The following MYPN variants were observed in gnomAD, a reference collection of about 807,000 sequenced individuals.
MYPN encodes the protein myopalladin.
In MYPN, 63 loss-of-function variants were observed where a neutral mutation model predicts 129.4. That is an observed-to-expected ratio of 0.49 (90% confidence interval 0.40 to 0.60). The LOEUF (loss-of-function observed/expected upper bound fraction) is 0.60, where lower values mean the gene tolerates loss of function less well. Among genes scored for constraint, MYPN ranks in the 20% least tolerant of loss-of-function variants. The pLI is 0.00. For missense variants in MYPN, 1,596 were observed against 1,635.4 expected (o/e 0.98, Z 0.42); for synonymous variants, 629 against 600.9 (o/e 1.05, Z -0.68).
intron 9 of MYPN, 43 bp downstream of exon 9, chr10:68,165,861 G>A (rs1288042188): frequency 6.8e-7 from 1 of 1,475,958 alleles, no homozygotes; most frequent in Admixed American, 1.7e-5. Flanking sequence ...CTATGACTTT[G>A]AGTGTGAATA....
chr10:68,187,756 C>T (rs1177790060), intron 12 of MYPN, among the ~76,000 whole-genome samples: 2 of 152,060 alleles, frequency 1.3e-5, no homozygotes, highest in Non-Finnish European at 2.9e-5. Context: ...TCACCTAGAG[C>T]AGAGGAGCAC....
rs58484168 is a variant in MYPN, at chr10:68,115,258, CAAAAAA to C, written c.-2+5552_-2+5557del. 3.2e-3 allele frequency among the ~76,000 whole-genome samples: 174 copies of C among 53,652 alleles called. 1 individual carries two copies. Among genetic ancestry groups the C allele is most frequent in the Non-Finnish European group, 5.8e-3 (140 of 24,260 alleles). 35.2% of individuals were successfully genotyped at this position (53,652 alleles called of 152,430 possible). On this transcript the variant is annotated intron_variant, in intron 1 of 19. Coordinates refer to ENST00000358913, the MANE Select transcript of MYPN (RefSeq NM_032578.4). Reference sequence around the variant, plus strand: ...TGGGCGACAAAGTGAAACTCCATCTCAAAAAAAAAAAAAAAAAAAAAAGTCAAATGA... The same window carrying C: ...TGGGCGACAAAGTGAAACTCCATCTCAAAAAAAAAAAAAAAAGTCAAATGA...
intron 2 of MYPN, 53 bp from the exon 3 acceptor site, chr10:68,142,887 G>T (rs560866099): frequency 6.5e-7 from 1 of 1,531,204 alleles, no homozygotes; most frequent in Non-Finnish European, 9.0e-7. Flanking sequence ...AGCTGTCTAT[G>T]TTATTGTCTT....
chr10:68,203,050 T>C (rs1219363133), intron 18 of MYPN, among the ~76,000 whole-genome samples: 1 of 152,194 alleles, frequency 6.6e-6, no homozygotes. Flanking sequence ...ACAAAATCAA[T>C]GTCTGGAAAG....
intron 2 of MYPN, among the ~76,000 whole-genome samples, chr10:68,135,988 C>CT (rs1403274850): frequency 6.6e-6 from 1 of 152,106 alleles, no homozygotes; most frequent in Non-Finnish European, 1.5e-5. Flanking sequence ...AAGAAAGACT[C>CT]TGAGTAATCA....
intron 15 of MYPN, among the ~76,000 whole-genome samples, 181 bp downstream of exon 15, chr10:68,195,713 C>T (rs1321387168): frequency 6.6e-6 from 1 of 152,180 alleles, no homozygotes; most frequent in Admixed American, 6.5e-5. Flanking sequence ...GATCTACTGA[C>T]TCAGAATCTG....
intron 10 of MYPN, among the ~76,000 whole-genome samples, chr10:68,168,991 TAAAAAAAAAAAAAAAAA>T (rs71009012): frequency 2.5e-4 from 20 of 80,324 alleles, no homozygotes; most frequent in Admixed American, 7.2e-4. Flanking sequence ...GATTATTTCT[TAAAAAAAAAAAAAAAAA>T]AAAAAAAAAA....
chr10:68,137,129 A>T (rs1160781815), intron 2 of MYPN, among the ~76,000 whole-genome samples: 1 of 152,162 alleles, frequency 6.6e-6, no homozygotes, highest in Non-Finnish European at 1.5e-5. Flanking sequence ...AACAAAAAAA[A>T]TTTATAAAAA....
At position 68,143,071 on chromosome 10, in the gene MYPN, A is replaced by G; in HGVS notation, c.1034A>G (p.Asn345Ser). ...GGACGCTATTCCTGCTTTGCTTCTA[A>G]CATCTATGGGACAGATTCGACTTCT... ...DTGRYSCFAS[N>S]IYGTDSTSAE... The change falls in exon 3 of 20, where the codon AAC (asparagine) becomes AGC (serine). Residue 345 changes from asparagine (N) to serine (S), a missense_variant. Coordinates refer to ENST00000358913, the MANE Select transcript of MYPN (RefSeq NM_032578.4). The G allele has an allele frequency of 1.2e-6, 2 of 1,614,176 alleles. No individual in the cohort carries two copies. Among genetic ancestry groups the G allele is most frequent in the Non-Finnish European group, 1.7e-6 (2 of 1,180,004 alleles).
At position 68,118,620 on chromosome 10, in the gene MYPN, T is replaced by C. The variant is rs1298898605; in HGVS notation, c.-1-2818T>C. Among the ~76,000 whole-genome samples, 4 of 151,986 alleles carry C rather than the reference T, an allele frequency of 2.6e-5. No homozygotes were observed. In the East Asian group the frequency reaches 7.7e-4, roughly 29 times the overall value. On this transcript the variant is annotated intron_variant, in intron 1 of 19. Coordinates refer to ENST00000358913, the MANE Select transcript of MYPN (RefSeq NM_032578.4). ...ATGGAGGTGGGAGGATCACTTGAGG[T>C]TCTTTGAGTTGGAGACCAGCCTGGG...
At chr10:68,103,907 A>AC (rs1244958708), upstream of MYPN, among the ~76,000 whole-genome samples, 1 of 152,206 alleles carries the variant, frequency 6.6e-6, no homozygotes, top group Non-Finnish European at 1.5e-5. Flanking sequence ...CTGAGACCGC[A>AC]CCATTGCACT....
chr10:68,152,684 A>G (rs193083491), intron 6 of MYPN, among the ~76,000 whole-genome samples: 27 of 152,274 alleles, frequency 1.8e-4, no homozygotes, highest in Non-Finnish European at 3.1e-4. Flanking sequence ...TGCCCAGGCT[A>G]GAGTGCAATG....
Position 68,203,720 on chromosome 10 carries a change from C to CACAGAGAGAG in MYPN, c.3659+1727_3659+1728insCAGAGAGAGA, listed in dbSNP as rs1554851560. Among the ~76,000 whole-genome samples the CACAGAGAGAG allele has an allele frequency of 8.0e-4, 93 of 115,758 alleles. 1 individual carries two copies. The highest frequency in any genetic ancestry group is 2.0e-3 in the African/African-American group (72 of 35,326). 75.9% of individuals were successfully genotyped at this position (115,758 alleles called of 152,430 possible). On this transcript the variant is annotated intron_variant, in intron 18 of 19. Coordinates refer to ENST00000358913, the MANE Select transcript of MYPN (RefSeq NM_032578.4). ...ACACACACACACACACATACACACA[C>CACAGAGAGAG]AGAGAGAGAGAGAGAGAGAGAGAGA...
At chr10:68,177,919 C>A (rs1327807773) in intron 12 of MYPN, among the ~76,000 whole-genome samples, 1 of 152,160 alleles carries the variant, frequency 6.6e-6, no homozygotes, top group Non-Finnish European at 1.5e-5. Flanking sequence ...ATACACTGTC[C>A]TAGAACATTT....
At chr10:68,158,703 T>C in intron 7 of MYPN, 76 bp downstream of exon 7, 1 of 1,051,898 alleles carries the variant, frequency 9.5e-7, no homozygotes, top group South Asian at 1.5e-5. Flanking sequence ...TTTATAACTT[T>C]TTAACAACTA....
chr10:68,126,552 G>C (rs982987431), intron 2 of MYPN, among the ~76,000 whole-genome samples: 1 of 152,170 alleles, frequency 6.6e-6, no homozygotes, highest in African/African-American at 2.4e-5. Context: ...TGCTCTGGTC[G>C]GACTCGGGTA....
chr10:68,178,050 T>TA (rs1228783255), intron 12 of MYPN, among the ~76,000 whole-genome samples: 1 of 152,246 alleles, frequency 6.6e-6, no homozygotes, highest in Non-Finnish European at 1.5e-5. Flanking sequence ...AATTATGTTT[T>TA]AAAATGTGTT....
At chr10:68,104,147 T>G (rs938030423), upstream of MYPN, among the ~76,000 whole-genome samples, 3 of 152,206 alleles carry the variant, frequency 2.0e-5, no homozygotes, top group Non-Finnish European at 4.4e-5. Flanking sequence ...TAGAATACAC[T>G]TGTAAGAAAT....
intron 1 of MYPN, among the ~76,000 whole-genome samples, chr10:68,088,355 T>C (rs554861979): frequency 7.2e-5 from 11 of 152,274 alleles, no homozygotes; most frequent in African/African-American, 2.4e-4. Flanking sequence ...AGATCAGAGA[T>C]AATACAAATA....
Sources: gnomAD v4.1 joint callset for allele counts (sites outside exome capture counted in the v4.1 genomes callset) on GRCh38, gnomAD v4.1.1 for gene constraint, MANE v1.5 for transcripts, NCBI Gene and HGNC (gene_info 2026-07-23, HGNC 2026-07-21) for gene names.